The following MEF2A variants were observed in gnomAD, a reference collection of about 807,000 sequenced individuals.
The protein encoded by MEF2A is myocyte-specific enhancer factor 2A.
Under a neutral mutation model 55.8 loss-of-function variants are expected in MEF2A, and 28 were observed. The ratio of observed to expected loss-of-function variants is 0.50; its 90% confidence interval spans 0.37 to 0.69. The LOEUF is 0.69. Ranked by LOEUF, MEF2A falls within the 30% of genes least tolerant of loss-of-function variation. The pLI is 0.00. For synonymous variants in MEF2A, 239 were observed against 227.1 expected (o/e 1.05, Z -0.47); for missense variants, 528 against 626.2 (o/e 0.84, Z 1.67).
intron 2 of MEF2A, among the ~76,000 whole-genome samples, chr15:99,615,654 G>C (rs568282408): frequency 2.0e-5 from 3 of 152,088 alleles, no homozygotes; most frequent in Admixed American, 2.0e-4. Flanking sequence ...GAATGCAGGC[G>C]GGCATGCTGC....
At chr15:99,649,470 G>A (rs2046491287) in intron 4 of MEF2A, among the ~76,000 whole-genome samples, 1 of 151,974 alleles carries the variant, frequency 6.6e-6, no homozygotes, top group South Asian at 2.1e-4. Context: ...AAAGAATGTT[G>A]TCAAAAACAC....
intron 8 of MEF2A, among the ~76,000 whole-genome samples, chr15:99,697,858 G>GA (rs1355055539): frequency 6.6e-6 from 1 of 152,298 alleles, no homozygotes; most frequent in African/African-American, 2.4e-5. Flanking sequence ...CAGAAAGTGT[G>GA]ATATTGACAA....
chr15:99,616,543 T>C (rs942258591), intron 2 of MEF2A, among the ~76,000 whole-genome samples: 1 of 152,202 alleles, frequency 6.6e-6, no homozygotes, highest in Non-Finnish European at 1.5e-5. Context: ...TACTTTCTAC[T>C]GCCTACTAAA....
At chr15:99,682,199 T>G (rs887320190) in intron 7 of MEF2A, among the ~76,000 whole-genome samples, 1 of 152,212 alleles carries the variant, frequency 6.6e-6, no homozygotes, top group African/African-American at 2.4e-5. Context: ...GCTGATGTGA[T>G]TTATATTTTG....
intron 3 of MEF2A, among the ~76,000 whole-genome samples, chr15:99,642,053 T>C (rs1434145751): frequency 1.3e-5 from 2 of 152,210 alleles, no homozygotes; most frequent in African/African-American, 2.4e-5. Flanking sequence ...GTAGGTGTTA[T>C]ACTTCCTGAG....
intron 1 of MEF2A, among the ~76,000 whole-genome samples, chr15:99,587,670 T>C (rs2570805): frequency 0.22 from 33,524 of 152,126 alleles, 4,283 homozygotes; most frequent in South Asian, 0.33. Flanking sequence ...GTTGTTAAAT[T>C]TGTCTTTAAA....
intron 1 of MEF2A, among the ~76,000 whole-genome samples, chr15:99,589,489 C>A (rs1567172754): frequency 6.6e-6 from 1 of 151,982 alleles, no homozygotes; most frequent in Non-Finnish European, 1.5e-5. Flanking sequence ...TAGTTTGTCC[C>A]ACATCTCTGT....
chr15:99,666,955 G>A (rs1040117363), intron 4 of MEF2A, among the ~76,000 whole-genome samples: 2 of 152,198 alleles, frequency 1.3e-5, no homozygotes, highest in Admixed American at 6.5e-5. Flanking sequence ...TTTTGAAGAT[G>A]AGTATTGAAA....
At chr15:99,603,555 G>GTGTGTGTGTGTT (rs1421117930) in intron 2 of MEF2A, among the ~76,000 whole-genome samples, 1 of 150,522 alleles carries the variant, frequency 6.6e-6, no homozygotes, top group Non-Finnish European at 1.5e-5. Context: ...GTGTGTGTGT[G>GTGTGTGTGTGTT]TGTGTGTGTG....
At chr15:99,629,813 G>T (rs1370966692) in intron 2 of MEF2A, among the ~76,000 whole-genome samples, 1 of 152,104 alleles carries the variant, frequency 6.6e-6, no homozygotes, top group Admixed American at 6.5e-5. Flanking sequence ...GGTGGCACGT[G>T]CCTGTAGCCC....
intron 3 of MEF2A, among the ~76,000 whole-genome samples, chr15:99,645,009 T>C (rs1414298362): frequency 1.3e-5 from 2 of 152,150 alleles, no homozygotes; most frequent in Non-Finnish European, 2.9e-5. Flanking sequence ...TGGGGGGGTC[T>C]CTGTTAGAGA....
intron 5 of MEF2A, among the ~76,000 whole-genome samples, chr15:99,673,195 G>A (rs1275069959): frequency 4.6e-5 from 7 of 152,088 alleles, no homozygotes; most frequent in Non-Finnish European, 1.0e-4. Context: ...TTTCAGATTA[G>A]GGATGCTCAA....
intron 1 of MEF2A, among the ~76,000 whole-genome samples, chr15:99,586,471 C>A (rs1326378090): frequency 6.6e-6 from 1 of 152,158 alleles, no homozygotes; most frequent in African/African-American, 2.4e-5. Flanking sequence ...GCTCTTCATA[C>A]ATCTTTTTAA....
intron 8 of MEF2A, among the ~76,000 whole-genome samples, chr15:99,693,547 A>G (rs2055909710): frequency 6.6e-6 from 1 of 152,202 alleles, no homozygotes; most frequent in Non-Finnish European, 1.5e-5. Context: ...TTAGTAACAT[A>G]CTTTTTTCTT....
Position 99,712,909 on chromosome 15 carries a change from G to C in MEF2A, c.*138G>C, listed in dbSNP as rs2058821360. 1.0e-6 allele frequency: 1 copy of C among 971,174 alleles called. No individual in the cohort carries two copies. Among genetic ancestry groups the C allele is most frequent in the Admixed American group, 3.2e-5 (1 of 31,252 alleles). The allele number at this position is 971,174 out of a possible 1,614,324, so 60.2% of individuals were successfully genotyped here. ...TATCCCTTTACATATATATGTATGTGGGTGTGAGTGTGTATGTGTGGGTGT... is the reference window on the plus strand; with the variant it reads ...TATCCCTTTACATATATATGTATGTCGGTGTGAGTGTGTATGTGTGGGTGT... On this transcript the variant is annotated 3_prime_UTR_variant, in exon 12 of 12. Transcript: ENST00000557942. This position sits in a 1 kb window ranked among gnomAD's most constrained non-coding sequence, Gnocchi z 4.1.
chr15:99,601,649 A>G (rs1009106768), intron 2 of MEF2A, among the ~76,000 whole-genome samples: 2 of 151,986 alleles, frequency 1.3e-5, no homozygotes, highest in South Asian at 2.1e-4. Flanking sequence ...TTGATTTTAA[A>G]TATTGAACCA....
intron 1 of MEF2A, among the ~76,000 whole-genome samples, chr15:99,597,606 C>T (rs1252764992): frequency 1.3e-5 from 2 of 152,116 alleles, no homozygotes; most frequent in South Asian, 4.1e-4. Flanking sequence ...TGACCCACAC[C>T]TATTCGCACA....
At position 99,632,970 on chromosome 15, in the gene MEF2A, T is replaced by C; in HGVS notation, c.-142-8T>C. On this transcript the variant is annotated splice_polypyrimidine_tract_variant and splice_region_variant and intron_variant, in intron 2 of 11. Transcript: ENST00000557942. Reference sequence around the variant, plus strand: ...ATTTTAAATCTTCTAATTTGTGTTTTCTTTTAGATCTTGTAGAAAATTTCA... The same window carrying C: ...ATTTTAAATCTTCTAATTTGTGTTTCCTTTTAGATCTTGTAGAAAATTTCA... 3.5e-6 allele frequency: 2 copies of C among 568,888 alleles called. No individual in the cohort carries two copies. Among genetic ancestry groups the C allele is most frequent in the Non-Finnish European group, 6.2e-6 (2 of 324,208 alleles). 35.2% of individuals were successfully genotyped at this position (568,888 alleles called of 1,614,324 possible).
chr15:99,583,953 GTCTAC>G (rs1966643159), intron 1 of MEF2A, among the ~76,000 whole-genome samples: 1 of 152,076 alleles, frequency 6.6e-6, no homozygotes, highest in Admixed American at 6.6e-5. Context: ...AGATGGCACA[GTCTAC>G]TACACACCTA....
Sources: gnomAD v4.1 joint callset for allele counts (sites outside exome capture counted in the v4.1 genomes callset) on GRCh38, gnomAD v4.1.1 for gene constraint, Gnocchi (gnomAD v3.1) non-coding constraint, MANE v1.5 for transcripts, NCBI Gene and HGNC (gene_info 2026-07-23, HGNC 2026-07-21) for gene names.